The following TMEM63C variants were observed in gnomAD, a reference collection of about 807,000 sequenced individuals.
TMEM63C encodes the protein osmosensitive cation channel TMEM63C.
TMEM63C carries 32 observed loss-of-function variants against 99.2 expected under a neutral mutation model. The observed-to-expected ratio is 0.32, with a 90% CI of 0.24 to 0.43. The LOEUF is 0.43. TMEM63C is among the 20% of genes least tolerant of loss of function. The pLI is 1.00. For missense variants in TMEM63C, 826 were observed against 1,053.0 expected (o/e 0.78, Z 2.98); for synonymous variants, 376 against 397.9 (o/e 0.94, Z 0.66).
rs370570857 is a variant in TMEM63C at position 77,240,555 on chromosome 14, C to T, written c.1011C>T (p.Leu337=). 49 of 1,611,728 alleles carry T rather than the reference C, an allele frequency of 3.0e-5. No individual in the cohort carries two copies. Among genetic ancestry groups the T allele is most frequent in the Non-Finnish European group, 2.0e-5 (24 of 1,179,874 alleles). ...ACGCCGAGCTCAACCGCGTGCCGCT[C>T]AAGCGGCTGGACCTGATCTTTGTCA... The part of the protein sequence containing the change: ...EFNAELNRVP[L]KRLDLIFVTF... The change falls in exon 13 of 24, where the codon CTC becomes CTT. Residue 337 remains leucine (L), a synonymous_variant. Coordinates refer to ENST00000298351, the MANE Select transcript of TMEM63C (RefSeq NM_020431.4).
chr14:77,239,376 C>A (rs1889116138), intron 10 of TMEM63C, 36 bp from the exon 11 acceptor site: 2 of 1,610,572 alleles, frequency 1.2e-6, no homozygotes, highest in Non-Finnish European at 1.7e-6. Flanking sequence ...TCCCCAACCC[C>A]ACAGGCCGAC....
chr14:77,236,780 TC>T, intron 9 of TMEM63C, 48 bp downstream of exon 9: 2 of 1,325,094 alleles, frequency 1.5e-6, no homozygotes, highest in Non-Finnish European at 2.2e-6. Context: ...CTGGGGTCCC[TC>T]CCCACTGGGC....
intron 13 of TMEM63C, 88 bp downstream of exon 13, chr14:77,240,696 C>T (rs1222166044): frequency 1.3e-6 from 2 of 1,509,340 alleles, no homozygotes; most frequent in African/African-American, 2.7e-5. Flanking sequence ...GTTTCCCCTT[C>T]TGCCTCCCCT....
chr14:77,240,200 T>G (rs972593825), intron 12 of TMEM63C, among the ~76,000 whole-genome samples: 4 of 152,052 alleles, frequency 2.6e-5, no homozygotes, highest in African/African-American at 9.7e-5. Context: ...GCAAACACAT[T>G]CTCTCACCTC....
At chr14:77,247,179 G>T (rs1208913835) in intron 18 of TMEM63C, among the ~76,000 whole-genome samples, 1 of 151,828 alleles carries the variant, frequency 6.6e-6, no homozygotes, top group Non-Finnish European at 1.5e-5. Context: ...TCAAATTTTT[G>T]ACATAGTCTT....
chr14:77,232,324 G>T (rs12437238), intron 7 of TMEM63C, among the ~76,000 whole-genome samples: 29,838 of 151,732 alleles, frequency 0.2, 3,306 homozygotes, highest in East Asian at 0.44. Context: ...TTTTGCTATT[G>T]TTGCCCAGGC....
intron 1 of TMEM63C, among the ~76,000 whole-genome samples, chr14:77,190,031 G>A (rs1399468526): frequency 2.0e-5 from 3 of 152,120 alleles, no homozygotes; most frequent in Non-Finnish European, 4.4e-5. Context: ...TAATCTAATA[G>A]GGGTTAGGAG....
chr14:77,219,080 A>C, intron 3 of TMEM63C, 117 bp downstream of exon 3: 2 of 1,212,558 alleles, frequency 1.6e-6, no homozygotes, highest in Non-Finnish European at 2.2e-6. Context: ...ATTGATACAA[A>C]CTGCCTGAAT....
chr14:77,207,479 AC>A (rs1888421493), intron 1 of TMEM63C, among the ~76,000 whole-genome samples: 1 of 152,230 alleles, frequency 6.6e-6, no homozygotes, highest in Admixed American at 6.5e-5. Context: ...CCCCAGAAAT[AC>A]AGTCCTCCTG....
Position 77,244,379 on chromosome 14 carries a change from G to A in TMEM63C, c.1372G>A (p.Val458Met). The change falls in exon 16 of 24, where the codon GTG becomes ATG. Residue 458 changes from valine (V) to methionine (M), a missense_variant. Physicochemically the swap from Val to Met is conservative, Grantham distance 21 (BLOSUM62 1). Transcript: ENST00000298351. ...AATTGTGACCCAGTTCTTCCCCTCT[G>A]TGATGCTCTGGGGCTTCACAGTGAT... ...NPIVTQFFPS[V>M]MLWGFTVILP... 1 of 1,613,952 alleles carries A rather than the reference G, an allele frequency of 6.2e-7. No homozygotes were observed. The highest frequency in any genetic ancestry group is 8.5e-7 in the Non-Finnish European group (1 of 1,179,870).
chr14:77,216,108 G>A (rs907699647), intron 2 of TMEM63C, among the ~76,000 whole-genome samples: 2 of 95,952 alleles, frequency 2.1e-5, no homozygotes, highest in African/African-American at 4.0e-5. Context: ...AGAGAGGAAG[G>A]AAGGAAGGAA....
intron 1 of TMEM63C, among the ~76,000 whole-genome samples, chr14:77,196,729 G>A (rs1021641418): frequency 6.6e-6 from 1 of 152,198 alleles, no homozygotes; most frequent in African/African-American, 2.4e-5. Flanking sequence ...GAATCCAACC[G>A]CAATCTCTTT....
intron 2 of TMEM63C, among the ~76,000 whole-genome samples, chr14:77,216,493 G>A (rs767946289): frequency 6.6e-6 from 1 of 152,030 alleles, no homozygotes; most frequent in Non-Finnish European, 1.5e-5. Flanking sequence ...CCAAATCCCT[G>A]CTCCCCGTCC....
rs897141315 is a variant in TMEM63C, at chr14:77,259,378, CG to C, written c.*2659del. On this transcript the variant is annotated 3_prime_UTR_variant, in exon 24 of 24. Transcript: ENST00000298351. ...CGTTGCGTCCTCTGGGGCCCCCGGT[CG>C]GGGGGGAGGGGGTGTGGGCTAACCT... The C allele has an allele frequency of 3.1e-4, 48 of 152,590 alleles. No homozygotes were observed. The highest frequency in any genetic ancestry group is 1.0e-3 in the African/African-American group (42 of 41,432). The allele number at this position is 152,590 out of a possible 1,614,324, so 9.5% of individuals were successfully genotyped here.
At chr14:77,186,799 G>GTGTGTGTGTGTA in intron 1 of TMEM63C, among the ~76,000 whole-genome samples, 1 of 105,450 alleles carries the variant, frequency 9.5e-6, no homozygotes, top group African/African-American at 3.5e-5. Flanking sequence ...GTGTGTGTGT[G>GTGTGTGTGTGTA]TCTGTGTGTG....
At chr14:77,187,505 C>T (rs922160939) in intron 1 of TMEM63C, among the ~76,000 whole-genome samples, 6 of 152,238 alleles carry the variant, frequency 3.9e-5, no homozygotes, top group Non-Finnish European at 7.3e-5. Flanking sequence ...GGCCCAGGCT[C>T]CACACTCCAT....
At chr14:77,242,550 A>G (rs1889196257) in intron 14 of TMEM63C, 81 bp downstream of exon 14, 1 of 1,542,438 alleles carries the variant, frequency 6.5e-7, no homozygotes, top group Non-Finnish European at 8.9e-7. Context: ...TTCTCTCCCC[A>G]TGTCATTGCC....
chr14:77,231,465 A>G, intron 6 of TMEM63C, 123 bp from the exon 7 acceptor site: 1 of 929,024 alleles, frequency 1.1e-6, no homozygotes, highest in Non-Finnish European at 1.5e-6. Flanking sequence ...ATATAGAGAT[A>G]GTAAAAAAAA....
intron 1 of TMEM63C, among the ~76,000 whole-genome samples, chr14:77,192,840 AGAG>A (rs894228356): frequency 8.5e-5 from 13 of 152,084 alleles, no homozygotes; most frequent in South Asian, 2.1e-4. Flanking sequence ...AAGAAGAAGA[AGAG>A]GAGGAGGAGG....
Sources: allele counts gnomAD v4.1 joint callset (sites outside exome capture counted in the v4.1 genomes callset), GRCh38; gene constraint gnomAD v4.1.1; transcripts MANE v1.5; gene names NCBI Gene and HGNC (gene_info 2026-07-23, HGNC 2026-07-21).